STK3: variants seen among roughly 807,000 people sequenced by gnomAD.
STK3 encodes the protein serine/threonine kinase 3.
A neutral mutation model predicts 58.0 loss-of-function variants in STK3; 41 were observed. That is an observed-to-expected ratio of 0.71 (90% CI 0.55 to 0.92). The LOEUF (loss-of-function observed/expected upper bound fraction) is 0.92. Among genes scored for constraint, STK3 ranks in the 40% least tolerant of loss-of-function variants. The pLI, the probability that STK3 is intolerant of heterozygous loss-of-function variation, is 0.00. For missense variants in STK3, 479 were observed against 602.7 expected (o/e 0.79, Z 2.15); for synonymous variants, 170 against 191.0 (o/e 0.89, Z 0.91).
intron 8 of STK3, among the ~76,000 whole-genome samples, chr8:98,575,957 T>G (rs1223930265): frequency 6.6e-6 from 1 of 152,228 alleles, no homozygotes; most frequent in Non-Finnish European, 1.5e-5. Flanking sequence ...AAGAATTCAC[T>G]GACAAATCCA....
At chr8:98,922,856 C>T (rs1339126309) in intron 1 of STK3, among the ~76,000 whole-genome samples, 3 of 152,334 alleles carry the variant, frequency 2.0e-5, no homozygotes, top group South Asian at 2.1e-4. Flanking sequence ...CACACATACT[C>T]ATTCATTCTT....
At chr8:98,823,092 A>G (rs2131742140) in intron 1 of STK3, among the ~76,000 whole-genome samples, 1 of 152,324 alleles carries the variant, frequency 6.6e-6, no homozygotes, top group South Asian at 2.1e-4. Flanking sequence ...AAAACCATGG[A>G]ATGGGTTTTA....
At chr8:98,597,862 C>G (rs1023758971) in intron 6 of STK3, 1 of 984,026 alleles carries the variant, frequency 1.0e-6, no homozygotes, top group Non-Finnish European at 1.2e-6. Flanking sequence ...TAGCAAACAA[C>G]TGAGTGCCAG....
At chr8:98,448,321 GATTGATT>G (rs1451007935) in intron 1 of STK3, among the ~76,000 whole-genome samples, 2 of 152,270 alleles carry the variant, frequency 1.3e-5, no homozygotes, top group Non-Finnish European at 2.9e-5. Flanking sequence ...TTTGCACACT[GATTGATT>G]AATAATGAAA....
At chr8:98,701,795 C>G (rs1825646635) in intron 6 of STK3, among the ~76,000 whole-genome samples, 1 of 151,986 alleles carries the variant, frequency 6.6e-6, no homozygotes, top group African/African-American at 2.4e-5. Flanking sequence ...ATTTTTTTAA[C>G]TATTCTATTT....
At chr8:98,502,524 A>G (rs1370059032) in intron 10 of STK3, among the ~76,000 whole-genome samples, 1 of 152,218 alleles carries the variant, frequency 6.6e-6, no homozygotes, top group Non-Finnish European at 1.5e-5. Flanking sequence ...CCCATTCAGT[A>G]TGATATTGGC....
intron 3 of STK3, among the ~76,000 whole-genome samples, chr8:98,871,237 A>G (rs374099712): frequency 8.6e-5 from 13 of 152,028 alleles, no homozygotes; most frequent in African/African-American, 2.9e-4. Flanking sequence ...TGCTGTTTTG[A>G]TTACTGTAGC....
chr8:98,446,318 G>T (rs890549608), intron 1 of STK3, among the ~76,000 whole-genome samples: 3 of 152,226 alleles, frequency 2.0e-5, no homozygotes, highest in African/African-American at 7.2e-5. Context: ...TAGGAACAAA[G>T]CTGCCTTTAT....
downstream of STK3, among the ~76,000 whole-genome samples, chr8:98,397,672 C>A (rs1817907745): frequency 6.6e-6 from 1 of 152,112 alleles, no homozygotes; most frequent in Non-Finnish European, 1.5e-5. Flanking sequence ...TGTGTCCCCA[C>A]CCAAATCTCA....
chr8:98,630,472 T>C (rs144558572), intron 6 of STK3, among the ~76,000 whole-genome samples: 2 of 151,922 alleles, frequency 1.3e-5, no homozygotes, highest in Admixed American at 1.3e-4. Context: ...TGAGACCCCA[T>C]CTCCACAAAA....
chr8:98,555,167 A>G (rs980562893), intron 8 of STK3, among the ~76,000 whole-genome samples: 1 of 152,142 alleles, frequency 6.6e-6, no homozygotes, highest in Non-Finnish European at 1.5e-5. Flanking sequence ...ATCCTACTCC[A>G]CTGCTAAGAC....
At chr8:98,925,465 T>C (rs1839753267) in intron 1 of STK3, among the ~76,000 whole-genome samples, 1 of 152,234 alleles carries the variant, frequency 6.6e-6, no homozygotes, top group South Asian at 2.1e-4. Context: ...CTGTTTTCTG[T>C]ACTGTATGCC....
upstream of STK3, among the ~76,000 whole-genome samples, chr8:98,390,839 T>C (rs1817842342): frequency 6.6e-6 from 1 of 152,200 alleles, no homozygotes; most frequent in Non-Finnish European, 1.5e-5. Context: ...TCCCATGTGT[T>C]TTATTTTGGT....
At chr8:98,636,115 G>A (rs1334934274) in intron 6 of STK3, among the ~76,000 whole-genome samples, 1 of 151,756 alleles carries the variant, frequency 6.6e-6, no homozygotes, top group Non-Finnish European at 1.5e-5. Flanking sequence ...TAACTCTGTG[G>A]GGCATTCCCA....
intron 6 of STK3, among the ~76,000 whole-genome samples, chr8:98,612,774 T>C (rs149508169): frequency 7.5e-4 from 114 of 152,336 alleles, no homozygotes; most frequent in African/African-American, 2.6e-3. Flanking sequence ...ACTCTAACCA[T>C]GTCAGAAAGG....
downstream of STK3, chr8:98,879,312 T>G (rs984632289): frequency 3.3e-5 from 5 of 152,182 alleles, no homozygotes; most frequent in Non-Finnish European, 7.3e-5. Flanking sequence ...AGACAACTTT[T>G]TTTCTGAATA....
At chr8:98,793,848 T>C (rs533503506) in intron 1 of STK3, among the ~76,000 whole-genome samples, 2 of 151,672 alleles carry the variant, frequency 1.3e-5, no homozygotes, top group Admixed American at 6.6e-5. Context: ...CCAACCATAC[T>C]CTCAGACCAC....
At chr8:98,769,139 T>A (rs1831132130) in intron 2 of STK3, among the ~76,000 whole-genome samples, 1 of 152,236 alleles carries the variant, frequency 6.6e-6, no homozygotes, top group Non-Finnish European at 1.5e-5. Flanking sequence ...GTAGCTTATC[T>A]TTTCCTTGAT....
chr8:98,739,571 C>T (rs1235684307), intron 4 of STK3, among the ~76,000 whole-genome samples: 1 of 147,000 alleles, frequency 6.8e-6, no homozygotes, highest in East Asian at 2.0e-4. Flanking sequence ...ACAGAAAGGA[C>T]ATCCACACCA....
Sources: gnomAD v4.1 joint callset for allele counts (sites outside exome capture counted in the v4.1 genomes callset) on GRCh38, gnomAD v4.1.1 for gene constraint, MANE v1.5 for transcripts, NCBI Gene and HGNC (gene_info 2026-07-23, HGNC 2026-07-21) for gene names.